Variants in SMAD4 observed in about 807,000 individuals in gnomAD.
The protein encoded by SMAD4 is SMAD family member 4.
A neutral mutation model predicts 63.2 loss-of-function variants in SMAD4; 7 were observed. The observed-to-expected ratio is 0.11, with a 90% CI of 0.06 to 0.21. The LOEUF is 0.21. Among genes scored for constraint, SMAD4 ranks in the 10% least tolerant of loss-of-function variants. The pLI is 1.00. For synonymous variants in SMAD4, 215 were observed against 235.4 expected, an observed-to-expected ratio of 0.91 and a Z score of 0.79; for missense variants, 312 against 693.8, an observed-to-expected ratio of 0.45 and a Z score of 6.18.
rs185010226 is a variant in SMAD4, at chr18:51,084,094, G to A, written c.*5627G>A. 1.3e-3 allele frequency: 299 copies of A among 229,710 alleles called. 2 individuals are homozygous for A. The East Asian group carries it at 0.014, about 11-fold the overall frequency. 14.2% of individuals were successfully genotyped at this position (229,710 alleles called of 1,614,324 possible). A position where few individuals can be genotyped will look rare whatever the true frequency, so the allele number is the denominator to read the frequency against. On this transcript the variant is annotated 3_prime_UTR_variant, in exon 12 of 12. Coordinates refer to ENST00000342988, the MANE Select transcript of SMAD4 (RefSeq NM_005359.6). ...CATGACATTCTAGCTTTTGAATTGC[G>A]TGCACACACACACGCACGCACACAC...
intron 7 of SMAD4, 43 bp downstream of exon 7, chr18:51,058,499 T>C: frequency 7.7e-7 from 1 of 1,302,186 alleles, no homozygotes; most frequent in Non-Finnish European, 1.1e-6. Context: ...TTTTTTTTTT[T>C]TTGGTAGGGC....
chr18:51,048,447 C>T (rs1909609881), intron 2 of SMAD4, among the ~76,000 whole-genome samples: 1 of 152,204 alleles, frequency 6.6e-6, no homozygotes, highest in African/African-American at 2.4e-5. Context: ...TGTGAGCCAC[C>T]ATGCCCAGTC....
intron 4 of SMAD4, chr18:51,051,468 T>C: frequency 2.2e-6 from 1 of 448,994 alleles, no homozygotes; most frequent in Non-Finnish European, 4.5e-6. Flanking sequence ...AGTTAAAGTC[T>C]TGTGGTAATC....
At chr18:51,053,209 A>C (rs1909753563) in intron 4 of SMAD4, 1 of 152,192 alleles carries the variant, frequency 6.6e-6, no homozygotes, top group Non-Finnish European at 1.5e-5. Context: ...TGTATCCTCA[A>C]ATCAGCTAGC....
intron 1 of SMAD4, among the ~76,000 whole-genome samples, chr18:51,040,150 G>T (rs963559240): frequency 6.6e-6 from 1 of 152,022 alleles, no homozygotes; most frequent in Non-Finnish European, 1.5e-5. Flanking sequence ...CTTTTGCGCC[G>T]GGCATGGTGG....
chr18:51,053,749 T>G (rs901639748), intron 4 of SMAD4: 4 of 152,178 alleles, frequency 2.6e-5, no homozygotes, highest in Admixed American at 1.3e-4. Context: ...TAGGGAAAGA[T>G]AAGGGAAATG....
At chr18:51,037,928 G>A (rs1330055592) in intron 1 of SMAD4, among the ~76,000 whole-genome samples, 1 of 152,092 alleles carries the variant, frequency 6.6e-6, no homozygotes, top group Non-Finnish European at 1.5e-5. Context: ...ACTATGACTT[G>A]CCAGTTTCTT....
At chr18:51,040,141 T>C (rs1324578217) in intron 1 of SMAD4, among the ~76,000 whole-genome samples, 1 of 152,074 alleles carries the variant, frequency 6.6e-6, no homozygotes, top group East Asian at 1.9e-4. Flanking sequence ...ATTTAAGCAC[T>C]TTTGCGCCGG....
rs1392175055 is a variant in SMAD4 at position 51,047,183 on chromosome 18, A to G, written c.137A>G (p.Lys46Arg). ...AGAGCAATTGAAAGTTTGGTAAAGA[A>G]GCTGAAGGAGAAAAAAGATGAATTG... ...AKRAIESLVK[K>R]LKEKKDELDS... is the part of the protein sequence containing the mutation. Residue 46 changes from lysine (K) to arginine (R), a missense_variant, in exon 2 of 12, where the codon AAG becomes AGG. By Grantham distance (26) the Lys-to-Arg change is conservative. Transcript: ENST00000342988. 1 of 1,614,136 alleles carries G rather than the reference A, an allele frequency of 6.2e-7. No individual in the cohort carries two copies. The highest frequency in any genetic ancestry group is 2.2e-5 in the East Asian group (1 of 44,856).
At chr18:51,061,472 G>T (rs1197296393) in intron 8 of SMAD4, among the ~76,000 whole-genome samples, 1 of 152,048 alleles carries the variant, frequency 6.6e-6, no homozygotes, top group Non-Finnish European at 1.5e-5. Context: ...TCTTTGCCTG[G>T]GTTCTTTCAC....
chr18:51,046,437 G>GTTTTTTTTTTTTTTT (rs35325456), intron 1 of SMAD4, among the ~76,000 whole-genome samples: 1 of 141,080 alleles, frequency 7.1e-6, no homozygotes, highest in Non-Finnish European at 1.5e-5. Flanking sequence ...CTAAATTGGG[G>GTTTTTTTTTTTTTTT]TTTTTTTTTT....
Position 51,068,920 on chromosome 18 carries a change from CAAAAAT to C in SMAD4, c.1308+1737_1308+1742del, listed in dbSNP as rs1910243309. On this transcript the variant is annotated intron_variant, in intron 10 of 11. Coordinates refer to ENST00000342988, the MANE Select transcript of SMAD4 (RefSeq NM_005359.6). ...TAGGTGATAGAGTGAGACCCTTTCT[CAAAAAT>C]AAATAAATAAATAGACAATACATAG... 3.3e-5 allele frequency among the ~76,000 whole-genome samples: 5 copies of C among 152,048 alleles called. No individual in the cohort carries two copies. The South Asian group carries it at 1.0e-3, about 32-fold the overall frequency.
At chr18:51,055,397 A>G (rs1909816557) in intron 5 of SMAD4, among the ~76,000 whole-genome samples, 1 of 152,134 alleles carries the variant, frequency 6.6e-6, no homozygotes, top group Non-Finnish European at 1.5e-5. Flanking sequence ...ATTACCTTAT[A>G]GTAGTTGTCT....
chr18:51,067,716 TAC>T (rs1395258496), intron 10 of SMAD4, among the ~76,000 whole-genome samples: 13 of 152,192 alleles, frequency 8.5e-5, no homozygotes. Flanking sequence ...CCAGGCCTGT[TAC>T]ATGTTTTAGA....
chr18:51,072,296 G>A (rs1443608713), intron 10 of SMAD4, among the ~76,000 whole-genome samples: 1 of 152,060 alleles, frequency 6.6e-6, no homozygotes, highest in African/African-American at 2.4e-5. Flanking sequence ...TAGTAGGTGT[G>A]AAGTATAATC....
At chr18:51,046,870 A>G (rs574206504) in intron 1 of SMAD4, 50 bp from the exon 2 acceptor site, 4 of 604,446 alleles carry the variant, frequency 6.6e-6, no homozygotes, top group East Asian at 2.7e-5. Flanking sequence ...AGTCAGATCT[A>G]CTTCGTAAAA....
At chr18:51,062,652 C>G (rs1042069684) in intron 8 of SMAD4, among the ~76,000 whole-genome samples, 2 of 151,810 alleles carry the variant, frequency 1.3e-5, no homozygotes, top group Non-Finnish European at 2.9e-5. Context: ...GCACCCGCCA[C>G]CATGCCTGGC....
chr18:51,064,270 C>CATAGATAAAAGGTT (rs1487402628), intron 8 of SMAD4, among the ~76,000 whole-genome samples: 2 of 152,202 alleles, frequency 1.3e-5, no homozygotes, highest in Non-Finnish European at 2.9e-5. Flanking sequence ...TCAGTCTTCA[C>CATAGATAAAAGGTT]ATAGATAAAA....
At chr18:51,053,518 C>G (rs955999849) in intron 4 of SMAD4, 9 of 152,024 alleles carry the variant, frequency 5.9e-5, no homozygotes, top group African/African-American at 2.2e-4. Context: ...CATAAAATTT[C>G]TAAAGAGGAA....
Sources: gnomAD v4.1 joint callset for allele counts (sites outside exome capture counted in the v4.1 genomes callset) on GRCh38, gnomAD v4.1.1 for gene constraint, MANE v1.5 for transcripts, NCBI Gene and HGNC (gene_info 2026-07-23, HGNC 2026-07-21) for gene names.